The following GALNT13 variants were observed in gnomAD, a reference collection of about 807,000 sequenced individuals.
GALNT13 encodes polypeptide N-acetylgalactosaminyltransferase 13, also known as UDP-GalNAc:polypeptide N-acetylgalactosaminyltransferase 13.
Under a neutral mutation model 64.2 loss-of-function variants are expected in GALNT13, and 28 were observed. The observed-to-expected ratio is 0.44, with a 90% CI of 0.32 to 0.60. The LOEUF (loss-of-function observed/expected upper bound fraction) is 0.60. Among genes scored for constraint, GALNT13 ranks in the 20% least tolerant of loss-of-function variants. The probability of loss-of-function intolerance (pLI) is 0.05; values close to 1 mark genes in which losing one functional copy is unlikely to be tolerated. For synonymous variants in GALNT13, 214 were observed against 224.6 expected (o/e 0.95, Z 0.42); for missense variants, 577 against 669.8 (o/e 0.86, Z 1.53).
the GALNT13 span, among the ~76,000 whole-genome samples, chr2:153,434,663 T>G: frequency 6.6e-6 from 1 of 152,210 alleles, no homozygotes; most frequent in Admixed American, 6.5e-5. Context: ...TTGCCCACTT[T>G]TTGATGGGGT....
the GALNT13 span, among the ~76,000 whole-genome samples, chr2:153,684,784 C>G: frequency 2.0e-5 from 3 of 151,658 alleles, no homozygotes; most frequent in Non-Finnish European, 4.4e-5. Flanking sequence ...AGTTATTTTT[C>G]CTGATCCTCT....
At chr2:154,253,508 T>C (rs1037986099) in intron 7 of GALNT13, among the ~76,000 whole-genome samples, 2 of 152,174 alleles carry the variant, frequency 1.3e-5, no homozygotes, top group Non-Finnish European at 2.9e-5. Flanking sequence ...TCTAAAATAC[T>C]ATCACAAACT....
At chr2:154,223,734 A>G (rs1298376513) in intron 4 of GALNT13, among the ~76,000 whole-genome samples, 2 of 152,216 alleles carry the variant, frequency 1.3e-5, no homozygotes, top group African/African-American at 2.4e-5. Context: ...AGGTAAAAGT[A>G]TTTGTCACCT....
At chr2:153,088,382 T>A in the GALNT13 span, among the ~76,000 whole-genome samples, 1 of 152,122 alleles carries the variant, frequency 6.6e-6, no homozygotes, top group Non-Finnish European at 1.5e-5. Context: ...GGTGACATAT[T>A]ATATGGCCTA....
At chr2:153,550,825 A>C in the GALNT13 span, among the ~76,000 whole-genome samples, 3 of 152,216 alleles carry the variant, frequency 2.0e-5, no homozygotes, top group East Asian at 5.8e-4. Flanking sequence ...ATATTTATTG[A>C]ATGACTAATA....
intron 9 of GALNT13, among the ~76,000 whole-genome samples, chr2:154,380,804 G>A (rs1698231014): frequency 6.6e-6 from 1 of 151,974 alleles, no homozygotes; most frequent in Admixed American, 6.6e-5. Flanking sequence ...GTTGATGGGG[G>A]CTGCAATCTC....
chr2:153,228,193 G>A, the GALNT13 span, among the ~76,000 whole-genome samples: 1 of 152,128 alleles, frequency 6.6e-6, no homozygotes, highest in Non-Finnish European at 1.5e-5. Context: ...TCTGAATTCC[G>A]TGCTCTGATT....
At chr2:154,430,781 A>G (rs1700675223) in intron 11 of GALNT13, among the ~76,000 whole-genome samples, 1 of 152,102 alleles carries the variant, frequency 6.6e-6, no homozygotes, top group African/African-American at 2.4e-5. Flanking sequence ...TACTACATCC[A>G]CCTAACTTTC....
the GALNT13 span, among the ~76,000 whole-genome samples, chr2:153,438,777 C>T: frequency 6.6e-6 from 1 of 152,066 alleles, no homozygotes; most frequent in African/African-American, 2.4e-5. Flanking sequence ...CAGACTTCCT[C>T]CTTTAGCTCA....
At chr2:153,769,949 C>T in the GALNT13 span, among the ~76,000 whole-genome samples, 2 of 152,122 alleles carry the variant, frequency 1.3e-5, no homozygotes, top group Non-Finnish European at 2.9e-5. Flanking sequence ...TGATGTCAAT[C>T]TCTTCTTTAT....
chr2:153,896,814 A>T (rs1687926240), intron 1 of GALNT13, among the ~76,000 whole-genome samples: 1 of 152,164 alleles, frequency 6.6e-6, no homozygotes, highest in Non-Finnish European at 1.5e-5. Context: ...TTTGAATATT[A>T]TTCTGTAATT....
intron 11 of GALNT13, among the ~76,000 whole-genome samples, chr2:154,425,736 G>A (rs1470780871): frequency 6.6e-6 from 1 of 152,184 alleles, no homozygotes; most frequent in Non-Finnish European, 1.5e-5. Context: ...ATAACACTCG[G>A]TTAGATGTAT....
At chr2:154,050,368 A>G (rs1295000704) in intron 3 of GALNT13, among the ~76,000 whole-genome samples, 1 of 152,166 alleles carries the variant, frequency 6.6e-6, no homozygotes, top group Admixed American at 6.5e-5. Context: ...CTGACCCCAG[A>G]CCCTGTGCTC....
At chr2:153,769,484 A>T in the GALNT13 span, among the ~76,000 whole-genome samples, 1 of 151,806 alleles carries the variant, frequency 6.6e-6, no homozygotes, top group Admixed American at 6.6e-5. Context: ...TTTACAGATG[A>T]TGCTTCTCTA....
intron 3 of GALNT13, among the ~76,000 whole-genome samples, chr2:154,025,667 T>C (rs1251544647): frequency 6.6e-6 from 1 of 152,234 alleles, no homozygotes; most frequent in Non-Finnish European, 1.5e-5. Context: ...TTTCTTCATT[T>C]AGTCAACAAA....
chr2:153,536,644 A>G, the GALNT13 span, among the ~76,000 whole-genome samples: 1 of 152,172 alleles, frequency 6.6e-6, no homozygotes, highest in African/African-American at 2.4e-5. Flanking sequence ...TTTGCACTTA[A>G]TTCATTCATT....
chr2:153,783,076 G>A, the GALNT13 span, among the ~76,000 whole-genome samples: 2 of 152,164 alleles, frequency 1.3e-5, no homozygotes, highest in African/African-American at 4.8e-5. Flanking sequence ...TAGTGTAAAG[G>A]TAGAAGTGAA....
the GALNT13 span, among the ~76,000 whole-genome samples, chr2:153,209,603 C>T: frequency 1.2e-4 from 18 of 152,144 alleles, no homozygotes; most frequent in South Asian, 3.7e-3. Flanking sequence ...AATTTGAGTC[C>T]TCCAACTTAT....
the GALNT13 span, among the ~76,000 whole-genome samples, chr2:153,245,453 T>C: frequency 2.0e-5 from 3 of 152,150 alleles, no homozygotes; most frequent in Non-Finnish European, 4.4e-5. Flanking sequence ...CAGGTAGCAA[T>C]CTTTGCTGTT....
Sources: gnomAD v4.1 joint callset for allele counts (sites outside exome capture counted in the v4.1 genomes callset) on GRCh38, gnomAD v4.1.1 for gene constraint, MANE v1.5 for transcripts, NCBI Gene and HGNC (gene_info 2026-07-23, HGNC 2026-07-21) for gene names.